Variants in NR1H4 observed in about 807,000 individuals in gnomAD.
NR1H4 encodes the protein bile acid receptor.
A neutral mutation model predicts 58.5 loss-of-function variants in NR1H4; 23 were observed. The observed-to-expected ratio is 0.39, with a 90% CI of 0.28 to 0.56. The LOEUF is 0.56. Ranked by LOEUF, NR1H4 falls within the 20% of genes least tolerant of loss-of-function variation. The pLI is 0.58. For synonymous variants in NR1H4, 214 were observed against 198.0 expected (o/e 1.08, Z -0.68); for missense variants, 487 against 576.9 (o/e 0.84, Z 1.60).
intron 9 of NR1H4, among the ~76,000 whole-genome samples, chr12:100,544,990 A>T (rs1955026018): frequency 6.6e-6 from 1 of 152,174 alleles, no homozygotes; most frequent in Non-Finnish European, 1.5e-5. Context: ...CAGGTGCCAG[A>T]CAATGAAAAA....
intron 4 of NR1H4, among the ~76,000 whole-genome samples, chr12:100,527,708 C>T (rs758458099): frequency 7.2e-5 from 11 of 152,150 alleles, no homozygotes; most frequent in Non-Finnish European, 1.3e-4. Flanking sequence ...CATGTGTTCT[C>T]ATTGTTCAAT....
chr12:100,556,482 C>A (rs35736), intron 9 of NR1H4, among the ~76,000 whole-genome samples: 49,138 of 142,086 alleles, frequency 0.35, 11,194 homozygotes, highest in Non-Finnish European at 0.52. Flanking sequence ...AAAAAAAAAA[C>A]AAAAAACAAA....
chr12:100,491,913 C>T (rs1593046446), intron 1 of NR1H4, among the ~76,000 whole-genome samples: 2 of 152,152 alleles, frequency 1.3e-5, no homozygotes, highest in African/African-American at 4.8e-5. Context: ...TCTCTTGACT[C>T]TCTATCTCTT....
In NR1H4 at chr12:100,532,507, C is replaced by T. The variant is rs760660894; in HGVS notation, c.495C>T (p.Asn165=). The change falls in exon 5 of 11, where the codon AAC becomes AAT. Residue 165 remains asparagine (N), a synonymous_variant. Transcript: ENST00000392986. The stretch of plus-strand genomic sequence containing the variant: ...AAAACGCTGTGTACAAGTGTAAAAA[C>T]GGGGGCAACTGTGTGATGGATATGT... The part of the protein sequence containing the change: ...ITKNAVYKCK[N]GGNCVMDMYM... 31 of 1,613,870 alleles carry T rather than the reference C, an allele frequency of 1.9e-5. No individual in the cohort carries two copies. The highest frequency in any genetic ancestry group is 8.3e-5 in the Admixed American group (5 of 59,994).
chr12:100,530,729 G>A (rs1954670455), intron 4 of NR1H4, among the ~76,000 whole-genome samples: 1 of 152,168 alleles, frequency 6.6e-6, no homozygotes, highest in Admixed American at 6.5e-5. Context: ...TGTCCCTCGG[G>A]CCACCACTGG....
At chr12:100,545,792 A>C (rs1955056418) in intron 9 of NR1H4, among the ~76,000 whole-genome samples, 3 of 152,060 alleles carry the variant, frequency 2.0e-5, no homozygotes, top group Admixed American at 2.0e-4. Context: ...TTTGGGTCCT[A>C]CAAGAAGCAG....
chr12:100,554,622 CA>C (rs571294686), intron 9 of NR1H4, among the ~76,000 whole-genome samples: 139 of 152,212 alleles, frequency 9.1e-4, no homozygotes, highest in Non-Finnish European at 1.7e-3. Context: ...GAAACAGGAG[CA>C]GAAACATAAC....
At chr12:100,557,684 G>T (rs1022231254) in intron 9 of NR1H4, among the ~76,000 whole-genome samples, 2 of 152,060 alleles carry the variant, frequency 1.3e-5, no homozygotes, top group African/African-American at 4.8e-5. Flanking sequence ...GAGGACATGC[G>T]GTATTTGATT....
At chr12:100,518,772 T>C (rs1954331922) in intron 4 of NR1H4, among the ~76,000 whole-genome samples, 1 of 151,250 alleles carries the variant, frequency 6.6e-6, no homozygotes. Flanking sequence ...TGCTGAACAC[T>C]GTTCTTGACC....
intron 9 of NR1H4, among the ~76,000 whole-genome samples, chr12:100,555,049 C>A (rs1017885034): frequency 6.6e-6 from 1 of 152,224 alleles, no homozygotes; most frequent in Non-Finnish European, 1.5e-5. Flanking sequence ...AAAACTTTAA[C>A]CTTATTTTCC....
chr12:100,560,468 AAAC>A (rs1196111414), intron 9 of NR1H4, among the ~76,000 whole-genome samples: 3 of 152,196 alleles, frequency 2.0e-5, no homozygotes, highest in Non-Finnish European at 4.4e-5. Context: ...CAGGAGGAAT[AAAC>A]AACTCCAGAC....
At chr12:100,484,270 G>C (rs573852998) in intron 1 of NR1H4, among the ~76,000 whole-genome samples, 1 of 152,134 alleles carries the variant, frequency 6.6e-6, no homozygotes, top group Non-Finnish European at 1.5e-5. Flanking sequence ...CTCTAAATCA[G>C]AGTCAAAGTT....
At chr12:100,558,779 C>T (rs370698734) in intron 9 of NR1H4, among the ~76,000 whole-genome samples, 1 of 152,122 alleles carries the variant, frequency 6.6e-6, no homozygotes, top group African/African-American at 2.4e-5. Context: ...TACAAGTGGC[C>T]GAGGTGGCTA....
intron 9 of NR1H4, among the ~76,000 whole-genome samples, chr12:100,544,253 C>CAA (rs943465011): frequency 0.024 from 1,505 of 63,342 alleles, 63 homozygotes; most frequent in African/African-American, 0.056. Flanking sequence ...CTCGGTCTCA[C>CAA]AAAAAAAAAA....
At chr12:100,555,984 C>G (rs1955313857) in intron 9 of NR1H4, among the ~76,000 whole-genome samples, 2 of 151,980 alleles carry the variant, frequency 1.3e-5, no homozygotes, top group African/African-American at 4.8e-5. Flanking sequence ...AATTGCTCAA[C>G]AAAGACATTG....
chr12:100,545,086 T>G (rs1955028584), intron 9 of NR1H4, among the ~76,000 whole-genome samples: 1 of 152,132 alleles, frequency 6.6e-6, no homozygotes, highest in Admixed American at 6.6e-5. Context: ...GTTCTATCTT[T>G]CTTTCTCTGT....
Sources: gnomAD v4.1 joint callset for allele counts (sites outside exome capture counted in the v4.1 genomes callset) on GRCh38, gnomAD v4.1.1 for gene constraint, MANE v1.5 for transcripts, NCBI Gene and HGNC (gene_info 2026-07-23, HGNC 2026-07-21) for gene names.